PROX2: variants seen among roughly 807,000 people sequenced by gnomAD.
PROX2 encodes the protein prospero homeobox protein 2.
PROX2 carries 46 observed loss-of-function variants against 48.9 expected under a neutral mutation model. The observed-to-expected ratio is 0.94, with a 90% CI of 0.74 to 1.20. The LOEUF is 1.20. Among genes scored for constraint, PROX2 ranks in the 50% most tolerant of loss-of-function variants. The pLI, the probability that PROX2 is intolerant of heterozygous loss-of-function variation, is 0.00. For missense variants in PROX2, 663 were observed against 719.4 expected (o/e 0.92, Z 0.90); for synonymous variants, 260 against 276.6 (o/e 0.94, Z 0.60).
chr14:74,858,272 G>A lies in PROX2; in HGVS notation c.1413+135C>T, dbSNP rs1209561093. On this transcript the variant is annotated intron_variant, in intron 4 of 5. Transcript: ENST00000556489. ...TGGGTAGAGTCTCAGCCCAGAACTG[G>A]ACATTGCTTCCATCAGCAACACTAA... is the stretch of plus-strand genomic sequence containing the variant. 2.5e-5 allele frequency: 15 copies of A among 595,856 alleles called. No individual in the cohort carries two copies. In the East Asian group the frequency reaches 4.2e-4, roughly 17 times the overall value. The allele number at this position is 595,856 out of a possible 1,614,324, so 36.9% of individuals were successfully genotyped here.
chr14:74,858,191 G>A, intron 4 of PROX2: 2 of 473,580 alleles, frequency 4.2e-6, no homozygotes, highest in South Asian at 7.6e-5. Flanking sequence ...CTACAGCTCA[G>A]TAGCTTAAGA....
rs772990067 is a variant in PROX2 at position 74,856,816 on chromosome 14, CTTG to C, written c.1590_1592del (p.Asn530del). ...ATGGTCTTACCTCAAAGTCATTTCC[CTTG>C]TTGTAGTGCATATTGAGAGCTTGAA... On this transcript the variant is annotated inframe_deletion, in exon 5 of 6. Transcript: ENST00000556489. 7.9e-5 allele frequency: 128 copies of C among 1,613,852 alleles called. 4 individuals carry two copies. In the South Asian group the frequency reaches 1.3e-3, roughly 16 times the overall value.
intron 3 of PROX2, among the ~76,000 whole-genome samples, chr14:74,861,394 C>T (rs2091794071): frequency 6.6e-6 from 1 of 152,226 alleles, no homozygotes; most frequent in Non-Finnish European, 1.5e-5. Flanking sequence ...GTACATTCTC[C>T]TCTTAGAGCT....
At chr14:74,875,424 C>G (rs1883319504) in intron 1 of PROX2, among the ~76,000 whole-genome samples, 1 of 152,202 alleles carries the variant, frequency 6.6e-6, no homozygotes. Context: ...CCTCCTTGCT[C>G]TCTAGGAAAA....
At chr14:74,864,406 G>GA (rs1379255193) in intron 2 of PROX2, among the ~76,000 whole-genome samples, 2 of 152,200 alleles carry the variant, frequency 1.3e-5, no homozygotes, top group Admixed American at 1.3e-4. Flanking sequence ...CTACAGATAA[G>GA]AAAACAAGAT....
At chr14:74,870,439 A>ATACACACACACACACACAC (rs1555371979) in intron 2 of PROX2, among the ~76,000 whole-genome samples, 870 of 29,782 alleles carry the variant, frequency 0.029, 12 homozygotes, top group African/African-American at 0.19. Flanking sequence ...AAAAAAAAAA[A>ATACACACACACACACACAC]ATACACACAC....
intron 2 of PROX2, among the ~76,000 whole-genome samples, chr14:74,870,009 A>G (rs570227889): frequency 6.6e-6 from 1 of 152,348 alleles, no homozygotes; most frequent in East Asian, 1.9e-4. Context: ...AAGGTATGGT[A>G]TAATCTACAT....
rs1489782337 is a variant in PROX2, at chr14:74,856,937, T to C, written c.1472A>G (p.Tyr491Cys). The change falls in exon 5 of 6, where the codon TAT becomes TGT. Residue 491 changes from tyrosine (Y) to cysteine (C), a missense_variant. Transcript: ENST00000556489. ...IKWFSNFREF[Y>C]YIQMEKSARQ... is the part of the protein sequence containing the mutation. ...GGCAGATTTTTCCATTTGGATGTAATAAAACTCACGAAAGTTGCTGAACCA... is the reference window on the plus strand; with the variant it reads ...GGCAGATTTTTCCATTTGGATGTAACAAAACTCACGAAAGTTGCTGAACCA... 1.4e-5 allele frequency: 22 copies of C among 1,614,010 alleles called. No homozygotes were observed. The highest frequency in any genetic ancestry group is 1.8e-5 in the Non-Finnish European group (21 of 1,179,886).
intron 3 of PROX2, 70 bp downstream of exon 3, chr14:74,862,460 C>T (rs2140167477): frequency 6.5e-7 from 1 of 1,530,918 alleles, no homozygotes; most frequent in East Asian, 2.3e-5. Context: ...TCCCAAAGCA[C>T]TGGGATTACA....
chr14:74,859,032 G>C (rs1276206635), intron 3 of PROX2: 1 of 152,714 alleles, frequency 6.5e-6, no homozygotes, highest in Admixed American at 6.5e-5. Context: ...CATTCTGGCT[G>C]TCACTCTTAT....
chr14:74,868,764 G>T (rs550928218), intron 2 of PROX2, among the ~76,000 whole-genome samples: 5 of 151,996 alleles, frequency 3.3e-5, no homozygotes, highest in Non-Finnish European at 5.9e-5. Flanking sequence ...GTGAACCCAG[G>T]GGGGCGGAGC....
rs748908541 is a variant in PROX2, at chr14:74,863,220, T to C, written c.615A>G (p.Lys205=). 1 of 1,613,730 alleles carries C rather than the reference T, an allele frequency of 6.2e-7. No individual in the cohort carries two copies. The highest frequency in any genetic ancestry group is 8.5e-7 in the Non-Finnish European group (1 of 1,179,848). Residue 205 remains lysine, a synonymous_variant, in exon 3 of 6, where the codon AAA becomes AAG. Transcript: ENST00000556489. ...AACTGGGCTTCTCAGACTCTTGGTG[T>C]TTTTCTGCCCCAGAGAGGTCCTTGC... ...GTSKDLSGAE[K]HQESEKPSFL...
At chr14:74,873,786 A>G (rs573147048) in intron 1 of PROX2, 2 of 463,372 alleles carry the variant, frequency 4.3e-6, no homozygotes, top group African/African-American at 2.0e-5. Flanking sequence ...CAAGCTTCAC[A>G]TTGCAGCATG....
Position 74,862,828 on chromosome 14 carries a change from G to A in PROX2, c.1007C>T (p.Ala336Val), listed in dbSNP as rs1309051837. The change falls in exon 3 of 6, where the codon GCA (alanine) becomes GTA (valine). Residue 336 changes from alanine (A) to valine (V), a missense_variant. Ala to Val is a moderately conservative substitution (Grantham distance 64, BLOSUM62 0). Transcript: ENST00000556489. ...CTGATTTTCCTGGATGTGGGAAGGT[G>A]CAGTCAAGGGAAAGTTTGCTGGGGG... ...QDPPANFPLT[A>V]PSHIQENQIL... 1.9e-6 allele frequency: 3 copies of A among 1,613,998 alleles called. No homozygotes were observed. Among genetic ancestry groups the A allele is most frequent in the Non-Finnish European group, 1.7e-6 (2 of 1,179,870 alleles).
rs573177806 is a variant in PROX2 at position 74,876,061 on chromosome 14, C to G, written c.-476G>C. On this transcript the variant is annotated 5_prime_UTR_variant, in exon 1 of 6. Coordinates refer to ENST00000556489, the MANE Select transcript of PROX2 (RefSeq NM_001243007.2). ...TTCCTCTCCAGGCAGGCCGGGTGCC[C>G]GTGGCTGGGTGAGGGGAGGCTCTGG... Among the ~76,000 whole-genome samples, 1 of 152,210 alleles carries G rather than the reference C, an allele frequency of 6.6e-6. No individual in the cohort carries two copies. Among genetic ancestry groups the G allele is most frequent in the Admixed American group, 6.5e-5 (1 of 15,268 alleles).
At position 74,856,874 on chromosome 14, in the gene PROX2, A is replaced by G. The variant is rs778470979; in HGVS notation, c.1535T>C (p.Met512Thr). The change falls in exon 5 of 6, where the codon ATG (methionine) becomes ACG (threonine). Residue 512 changes from methionine (M) to threonine (T), a missense_variant. Met to Thr is a moderately conservative substitution (Grantham distance 81). Coordinates refer to ENST00000556489, the MANE Select transcript of PROX2 (RefSeq NM_001243007.2). ...TTCTGAATTGCGGAGAACCACCAGC[A>G]TTTTGGGATTTGTGACACCATCTGA... ...AISDGVTNPK[M>T]LVVLRNSELF... is the part of the protein sequence containing the mutation. The G allele has an allele frequency of 5.0e-6, 8 of 1,614,008 alleles. No homozygotes were observed. In the South Asian group the frequency reaches 7.7e-5, roughly 16 times the overall value.
intron 3 of PROX2, chr14:74,858,842 T>G (rs1366183379): frequency 2.7e-4 from 43 of 162,222 alleles, no homozygotes; most frequent in African/African-American, 9.0e-4. Flanking sequence ...GGTTGGTGTA[T>G]TGTGTGTGTG....
intron 5 of PROX2, chr14:74,856,130 C>CG (rs1292169395): frequency 6.6e-6 from 1 of 152,242 alleles, no homozygotes; most frequent in East Asian, 1.9e-4. Context: ...CAGATATACC[C>CG]GGCACCTGCA....
At chr14:74,875,298 A>G (rs574878652) in intron 1 of PROX2, among the ~76,000 whole-genome samples, 1 of 152,368 alleles carries the variant, frequency 6.6e-6, no homozygotes, top group African/African-American at 2.4e-5. Flanking sequence ...GGGAAATGTC[A>G]CAGGCTAGCG....
Sources: gnomAD v4.1 joint callset for allele counts (sites outside exome capture counted in the v4.1 genomes callset) on GRCh38, gnomAD v4.1.1 for gene constraint, MANE v1.5 for transcripts, NCBI Gene and HGNC (gene_info 2026-07-23, HGNC 2026-07-21) for gene names.